The following KCNIP4 variants were observed in gnomAD, a reference collection of about 807,000 sequenced individuals.
KCNIP4 encodes potassium voltage-gated channel interacting protein 4, also known as Kv channel-interacting protein 4.
A neutral mutation model predicts 34.0 loss-of-function variants in KCNIP4; 12 were observed. The observed-to-expected ratio is 0.35, with a 90% confidence interval of 0.23 to 0.57. KCNIP4 has a LOEUF of 0.57. Among genes scored for constraint, KCNIP4 ranks in the 20% least tolerant of loss-of-function variants. KCNIP4 has a pLI of 0.83. For missense variants in KCNIP4, 238 were observed against 311.7 expected (o/e 0.76, Z 1.78); for synonymous variants, 124 against 102.2 (o/e 1.21, Z -1.29).
At chr4:21,501,587 G>A (rs1030060818) in intron 1 of KCNIP4, among the ~76,000 whole-genome samples, 2 of 151,710 alleles carry the variant, frequency 1.3e-5, no homozygotes, top group African/African-American at 4.8e-5. Flanking sequence ...TTTCTCCAAA[G>A]GTCTTTCGCA....
At chr4:20,745,534 A>G (rs898742548) in intron 5 of KCNIP4, among the ~76,000 whole-genome samples, 1 of 152,112 alleles carries the variant, frequency 6.6e-6, no homozygotes, top group African/African-American at 2.4e-5. Context: ...CTTAACAACA[A>G]CTCTCAATGA....
intron 1 of KCNIP4, among the ~76,000 whole-genome samples, chr4:21,251,862 T>C (rs1362448391): frequency 4.4e-5 from 3 of 68,602 alleles, no homozygotes; most frequent in Non-Finnish European, 8.5e-5. Context: ...GGGACTGTGG[T>C]GGGGTGTGGG....
intron 1 of KCNIP4, among the ~76,000 whole-genome samples, chr4:21,782,597 C>T (rs1719639071): frequency 6.6e-6 from 1 of 152,100 alleles, no homozygotes; most frequent in Non-Finnish European, 1.5e-5. Context: ...ACTCAGAAGG[C>T]TAAGGCAAAA....
chr4:21,801,513 G>A (rs1720990281), intron 1 of KCNIP4, among the ~76,000 whole-genome samples: 1 of 152,156 alleles, frequency 6.6e-6, no homozygotes, highest in Admixed American at 6.5e-5. Context: ...AAGTTGTGGA[G>A]GCAGGCGGAG....
rs139561046 is a variant in KCNIP4, at chr4:21,207,559, G to A, written c.62-324850C>T. 1.1e-3 allele frequency among the ~76,000 whole-genome samples: 167 copies of A among 152,254 alleles called. 2 individuals are homozygous for A. The highest frequency in any genetic ancestry group is 6.2e-3 in the East Asian group (32 of 5,184). On this transcript the variant is annotated intron_variant, in intron 1 of 8. Transcript: ENST00000382152. ...CTTAGGCTAGCTAACATCCCAGACAGCAATTTGTCTATGGCACATATCTAG... is the reference window on the plus strand; with the variant it reads ...CTTAGGCTAGCTAACATCCCAGACAACAATTTGTCTATGGCACATATCTAG...
intron 2 of KCNIP4, among the ~76,000 whole-genome samples, chr4:20,859,399 C>G (rs1721956737): frequency 6.6e-6 from 1 of 152,152 alleles, no homozygotes; most frequent in South Asian, 2.1e-4. Context: ...CATTTGCATC[C>G]TGAGATAAGC....
At chr4:20,881,960 TC>T (rs1344505220) in intron 2 of KCNIP4, among the ~76,000 whole-genome samples, 1 of 152,184 alleles carries the variant, frequency 6.6e-6, no homozygotes, top group Admixed American at 6.5e-5. Flanking sequence ...GACATGCCAG[TC>T]CCCATAATGG....
At chr4:20,962,013 C>T (rs1733897008) in intron 1 of KCNIP4, among the ~76,000 whole-genome samples, 1 of 152,174 alleles carries the variant, frequency 6.6e-6, no homozygotes. Flanking sequence ...TCCTAAACCA[C>T]CCTGGCATCA....
At chr4:21,739,276 T>C (rs1716239329) in intron 1 of KCNIP4, among the ~76,000 whole-genome samples, 2 of 152,122 alleles carry the variant, frequency 1.3e-5, no homozygotes, top group African/African-American at 2.4e-5. Context: ...AACTGTGTTA[T>C]AGGAATATGC....
intron 1 of KCNIP4, among the ~76,000 whole-genome samples, chr4:21,934,010 A>T (rs184677044): frequency 6.6e-6 from 1 of 152,230 alleles, no homozygotes; most frequent in Admixed American, 6.5e-5. Flanking sequence ...TTCTGGCAGG[A>T]CAGAGGATAG....
At chr4:21,713,792 TTC>T (rs1211201319) in intron 1 of KCNIP4, among the ~76,000 whole-genome samples, 4 of 152,170 alleles carry the variant, frequency 2.6e-5, no homozygotes, top group Non-Finnish European at 5.9e-5. Flanking sequence ...TTTTCCCATG[TTC>T]TCTTTCTTTC....
intron 1 of KCNIP4, among the ~76,000 whole-genome samples, chr4:20,944,987 C>A (rs1039128262): frequency 1.3e-5 from 2 of 152,194 alleles, no homozygotes; most frequent in Non-Finnish European, 2.9e-5. Context: ...GGAAGAGAAT[C>A]TTAGCCTCAG....
intron 1 of KCNIP4, among the ~76,000 whole-genome samples, chr4:21,147,444 C>A (rs1305610665): frequency 4.6e-5 from 7 of 152,138 alleles, no homozygotes; most frequent in Non-Finnish European, 1.0e-4. Context: ...CTGACTTGGA[C>A]CCTGATATTT....
At chr4:21,786,952 T>C (rs1252402225) in intron 1 of KCNIP4, among the ~76,000 whole-genome samples, 6 of 152,030 alleles carry the variant, frequency 3.9e-5, no homozygotes. Context: ...TTGGAAACCA[T>C]TTCTGCCAGG....
chr4:21,836,189 T>A (rs1024366352), intron 1 of KCNIP4, among the ~76,000 whole-genome samples: 4 of 152,146 alleles, frequency 2.6e-5, no homozygotes, highest in Non-Finnish European at 4.4e-5. Flanking sequence ...AAGTGGTAGA[T>A]CATTGGGTCT....
At chr4:20,952,838 C>G (rs575181155) in intron 1 of KCNIP4, among the ~76,000 whole-genome samples, 1 of 152,312 alleles carries the variant, frequency 6.6e-6, no homozygotes, top group South Asian at 2.1e-4. Flanking sequence ...GCTCATAGCT[C>G]TGGAGGCTGG....
At chr4:21,136,334 G>C (rs1433484) in intron 1 of KCNIP4, among the ~76,000 whole-genome samples, 4 of 151,956 alleles carry the variant, frequency 2.6e-5, no homozygotes, top group Non-Finnish European at 5.9e-5. Flanking sequence ...TGGAGAATTA[G>C]CAAAGGATAA....
intron 1 of KCNIP4, among the ~76,000 whole-genome samples, chr4:21,653,758 C>T (rs1189577677): frequency 1.1e-4 from 17 of 152,140 alleles, no homozygotes; most frequent in Admixed American, 1.1e-3. Context: ...TTATTATAAG[C>T]ACAGTAAAGG....
chr4:20,776,644 T>C (rs1185155784), intron 3 of KCNIP4, among the ~76,000 whole-genome samples: 1 of 152,228 alleles, frequency 6.6e-6, no homozygotes, highest in Non-Finnish European at 1.5e-5. Context: ...ATGATTTCCC[T>C]AATTCTACCG....
Sources: allele counts gnomAD v4.1 joint callset (sites outside exome capture counted in the v4.1 genomes callset), GRCh38; gene constraint gnomAD v4.1.1; transcripts MANE v1.5; gene names NCBI Gene and HGNC (gene_info 2026-07-23, HGNC 2026-07-21).